The following PTPRN2 variants were observed in gnomAD, a reference collection of about 807,000 sequenced individuals.
The protein encoded by PTPRN2 is protein tyrosine phosphatase receptor type N2, also known as receptor-type tyrosine-protein phosphatase N2.
In PTPRN2, 74 loss-of-function variants were observed where a neutral mutation model predicts 118.8. The ratio of observed to expected loss-of-function variants is 0.62; its 90% CI spans 0.52 to 0.76. The LOEUF (loss-of-function observed/expected upper bound fraction) is 0.76, where lower values mean the gene tolerates loss of function less well. Among genes scored for constraint, PTPRN2 ranks in the 30% least tolerant of loss-of-function variants. PTPRN2 has a pLI of 0.00. For missense variants in PTPRN2, 1,481 were observed against 1,394.4 expected, an observed-to-expected ratio of 1.06 and a Z score of -0.99; for synonymous variants, 641 against 608.0, an observed-to-expected ratio of 1.05 and a Z score of -0.80.
At chr7:157,828,785 G>A (rs1448195761) in intron 12 of PTPRN2, among the ~76,000 whole-genome samples, 1 of 152,194 alleles carries the variant, frequency 6.6e-6, no homozygotes, top group Admixed American at 6.5e-5. Flanking sequence ...GCCGACTCCC[G>A]AAAATGCCCA....
chr7:158,042,255 G>A (rs1022540656), intron 11 of PTPRN2, among the ~76,000 whole-genome samples: 8 of 152,148 alleles, frequency 5.3e-5, no homozygotes, highest in Admixed American at 3.3e-4. Context: ...GGAGTGAAAC[G>A]CAGAGACCAG....
intron 12 of PTPRN2, among the ~76,000 whole-genome samples, chr7:157,871,749 A>C (rs1033419782): frequency 5.1e-5 from 7 of 136,980 alleles, no homozygotes; most frequent in African/African-American, 2.3e-4. Flanking sequence ...ATGCCTTCCC[A>C]CACATATGCA....
intron 6 of PTPRN2, among the ~76,000 whole-genome samples, chr7:158,146,130 T>C (rs1362083683): frequency 2.0e-5 from 3 of 152,180 alleles, no homozygotes; most frequent in African/African-American, 4.8e-5. Flanking sequence ...CCACAGCTCA[T>C]TGTGATCCTC....
chr7:157,892,036 G>A (rs1033819007), intron 12 of PTPRN2, among the ~76,000 whole-genome samples: 2 of 152,120 alleles, frequency 1.3e-5, no homozygotes, highest in African/African-American at 4.8e-5. Context: ...TGACATGCTG[G>A]GCAGGGCACC....
intron 3 of PTPRN2, among the ~76,000 whole-genome samples, chr7:158,284,908 C>T (rs886143690): frequency 2.0e-5 from 3 of 152,342 alleles, no homozygotes; most frequent in Admixed American, 6.5e-5. Context: ...TGGCACACGC[C>T]GCCTGCCTAG....
intron 2 of PTPRN2, among the ~76,000 whole-genome samples, chr7:158,414,851 G>A (rs1448464707): frequency 2.6e-5 from 4 of 152,224 alleles, no homozygotes; most frequent in Non-Finnish European, 4.4e-5. Flanking sequence ...CCAGCGTGCT[G>A]TAAGGAAAAC....
At position 157,924,687 on chromosome 7, in the gene PTPRN2, G is replaced by A. The variant is rs989675110; in HGVS notation, c.1724-25950C>T. 6.6e-5 allele frequency among the ~76,000 whole-genome samples: 10 copies of A among 152,272 alleles called. 1 individual carries two copies. Among genetic ancestry groups the A allele is most frequent in the South Asian group, 2.1e-4 (1 of 4,832 alleles). ...GCTGCAGGTGGATTAAAGACTTGCC[G>A]AGTCAGCCAGGAGGCCACTGCCTAT... On this transcript the variant is annotated intron_variant, in intron 11 of 22. Transcript: ENST00000389418.
At chr7:158,048,551 CCAT>C (rs1809046996) in intron 11 of PTPRN2, among the ~76,000 whole-genome samples, 1 of 152,042 alleles carries the variant, frequency 6.6e-6, no homozygotes, top group South Asian at 2.1e-4. Flanking sequence ...CCCACCAGCA[CCAT>C]CATCACCATC....
At chr7:158,410,986 C>CACA (rs1554494807) in intron 2 of PTPRN2, among the ~76,000 whole-genome samples, 1 of 66,098 alleles carries the variant, frequency 1.5e-5, no homozygotes, top group African/African-American at 6.2e-5. Context: ...AGACATGGAG[C>CACA]GTGAGTAGGA....
At chr7:157,581,596 G>A (rs1800385457) in intron 17 of PTPRN2, among the ~76,000 whole-genome samples, 1 of 152,236 alleles carries the variant, frequency 6.6e-6, no homozygotes, top group African/African-American at 2.4e-5. Flanking sequence ...AGCAGCAAGT[G>A]GAGAAATTCA....
intron 6 of PTPRN2, among the ~76,000 whole-genome samples, chr7:158,153,170 C>T: frequency 6.6e-6 from 1 of 152,160 alleles, no homozygotes; most frequent in Non-Finnish European, 1.5e-5. Flanking sequence ...AGAGCCCAGG[C>T]CATCAAGCAT....
At chr7:158,379,412 G>A (rs886172335) in intron 2 of PTPRN2, among the ~76,000 whole-genome samples, 1 of 152,108 alleles carries the variant, frequency 6.6e-6, no homozygotes, top group Admixed American at 6.5e-5. Context: ...GGAAGGAAGG[G>A]TGGGACAAAG....
intron 12 of PTPRN2, among the ~76,000 whole-genome samples, chr7:157,876,655 A>T (rs1391982819): frequency 6.6e-6 from 1 of 152,114 alleles, no homozygotes; most frequent in Non-Finnish European, 1.5e-5. Flanking sequence ...CAGCGCCCCC[A>T]CGTGGGGCTG....
At chr7:157,782,504 T>G (rs376822970) in intron 12 of PTPRN2, among the ~76,000 whole-genome samples, 4 of 152,320 alleles carry the variant, frequency 2.6e-5, no homozygotes, top group Middle Eastern at 3.4e-3. Flanking sequence ...CATGGGAAGC[T>G]GATCAGGGTC....
chr7:158,585,226 G>C (rs143295610), intron 1 of PTPRN2, among the ~76,000 whole-genome samples: 20 of 152,306 alleles, frequency 1.3e-4, no homozygotes, highest in African/African-American at 4.3e-4. Flanking sequence ...CTGACAAAAT[G>C]GCAGCAACAC....
chr7:158,578,944 G>T (rs558621944), intron 1 of PTPRN2, among the ~76,000 whole-genome samples: 1 of 152,158 alleles, frequency 6.6e-6, no homozygotes, highest in East Asian at 1.9e-4. Context: ...TATATTTTTA[G>T]TAGAGACGGG....
intron 12 of PTPRN2, among the ~76,000 whole-genome samples, chr7:157,771,787 T>TCACACACA (rs1554441237): frequency 2.3e-5 from 3 of 132,516 alleles, no homozygotes; most frequent in African/African-American, 5.1e-5. Flanking sequence ...AGACACACAC[T>TCACACACA]CACAGACACA....
At chr7:157,686,159 G>A (rs543551178) in intron 12 of PTPRN2, among the ~76,000 whole-genome samples, 122 of 152,302 alleles carry the variant, frequency 8.0e-4, no homozygotes, top group African/African-American at 2.8e-3. Flanking sequence ...AGAAGTCGCT[G>A]GATCCCAGGG....
chr7:157,957,514 A>C (rs1801259837), intron 11 of PTPRN2, among the ~76,000 whole-genome samples: 1 of 152,160 alleles, frequency 6.6e-6, no homozygotes, highest in African/African-American at 2.4e-5. Context: ...ATCATCAATT[A>C]ATACTTTTAA....
Sources: allele counts gnomAD v4.1 joint callset (sites outside exome capture counted in the v4.1 genomes callset), GRCh38; gene constraint gnomAD v4.1.1; transcripts MANE v1.5; gene names NCBI Gene and HGNC (gene_info 2026-07-23, HGNC 2026-07-21).